Variants in RBFOX3 observed in about 807,000 individuals in gnomAD.
RBFOX3 encodes the protein RNA binding protein fox-1 homolog 3.
In RBFOX3, 17 loss-of-function variants were observed where a neutral mutation model predicts 48.7. The ratio of observed to expected loss-of-function variants is 0.35; its 90% CI spans 0.24 to 0.52. RBFOX3 has a LOEUF of 0.52. Ranked by LOEUF, RBFOX3 falls within the 20% of genes least tolerant of loss-of-function variation. The pLI is 0.94. For missense variants in RBFOX3, 382 were observed against 497.5 expected (o/e 0.77, Z 2.21); for synonymous variants, 212 against 209.5 (o/e 1.01, Z -0.10).
In RBFOX3 at chr17:79,205,297, G is replaced by A. The variant is rs922093365; in HGVS notation, c.-34+30469C>T. On this transcript the variant is annotated intron_variant, in intron 4 of 14. Transcript: ENST00000693108. The surrounding 1 kb of genome is among the most constrained non-coding windows in gnomAD (Gnocchi z 4.5). ...AACACCATCATTTCTGCCAGTTAGA[G>A]TGGGGGTCCACAGAAACCCAGGGAT... Among the ~76,000 whole-genome samples the A allele has an allele frequency of 1.3e-5, 2 of 152,146 alleles. No individual in the cohort carries two copies. The highest frequency in any genetic ancestry group is 1.9e-4 in the East Asian group (1 of 5,192).
At chr17:79,320,819 TGAGGTGCTGTTCTAGGTCTCA>T (rs983980589) in intron 2 of RBFOX3, among the ~76,000 whole-genome samples, 159 of 152,206 alleles carry the variant, frequency 1.0e-3, no homozygotes, top group African/African-American at 3.7e-3. Context: ...AAAACAACTT[TGAGGTGCTGTTCTAGGTCTCA>T]GAATCAGAGT....
At chr17:79,194,759 T>G (rs112574499) in intron 4 of RBFOX3, among the ~76,000 whole-genome samples, 1 of 11,268 alleles carries the variant, frequency 8.9e-5, no homozygotes, top group Non-Finnish European at 3.3e-4. Context: ...TGTGGGTGTG[T>G]GTGTGTGTGT....
chr17:79,277,739 G>A (rs1343008241), intron 3 of RBFOX3, among the ~76,000 whole-genome samples: 1 of 152,240 alleles, frequency 6.6e-6, no homozygotes, highest in East Asian at 1.9e-4. Context: ...TAGTGTGGGG[G>A]CTCATGGTGG....
chr17:79,295,687 C>T (rs1471982599), intron 3 of RBFOX3, among the ~76,000 whole-genome samples: 5 of 152,184 alleles, frequency 3.3e-5, no homozygotes, highest in Admixed American at 6.5e-5. Flanking sequence ...TGTCCTGCCC[C>T]ACCGTCAGCT....
chr17:79,657,892 C>T, the RBFOX3 span, among the ~76,000 whole-genome samples: 120 of 152,294 alleles, frequency 7.9e-4, no homozygotes, highest in Admixed American at 1.4e-3. Flanking sequence ...CAGAGTAACA[C>T]CAAGGAGAAG....
the RBFOX3 span, among the ~76,000 whole-genome samples, chr17:79,634,280 A>G: frequency 2.0e-5 from 3 of 152,320 alleles, no homozygotes; most frequent in South Asian, 6.2e-4. Context: ...CGCCAGAGCC[A>G]CTGGTGAGCA....
upstream of RBFOX3, among the ~76,000 whole-genome samples, chr17:79,611,076 C>A (rs1442582529): frequency 1.3e-5 from 2 of 149,602 alleles, no homozygotes; most frequent in South Asian, 2.1e-4. Flanking sequence ...CCCGCGCTCG[C>A]TCTTCCCTCG....
chr17:79,216,594 A>C (rs1393646596), intron 4 of RBFOX3, among the ~76,000 whole-genome samples: 1 of 152,146 alleles, frequency 6.6e-6, no homozygotes, highest in Non-Finnish European at 1.5e-5. Flanking sequence ...TCAGGCCCAG[A>C]GCACAGGCCC....
intron 1 of RBFOX3, among the ~76,000 whole-genome samples, chr17:79,577,272 CATTGGAGAA>C (rs1386363191): frequency 6.6e-6 from 1 of 152,174 alleles, no homozygotes; most frequent in African/African-American, 2.4e-5. Context: ...GTGAGTAAGA[CATTGGAGAA>C]CCTGGTGGGG....
intron 1 of RBFOX3, among the ~76,000 whole-genome samples, chr17:79,519,101 G>A (rs936579068): frequency 4.1e-4 from 63 of 152,346 alleles, no homozygotes; most frequent in South Asian, 2.5e-3. Flanking sequence ...CAGATGCTCC[G>A]GAGGTAAACC....
chr17:79,497,393 G>T (rs979405952), intron 1 of RBFOX3, among the ~76,000 whole-genome samples: 40 of 152,264 alleles, frequency 2.6e-4, no homozygotes, highest in Admixed American at 1.8e-3. Context: ...CCAATGGACC[G>T]CAGAGTCTTT....
chr17:79,518,526 C>G (rs2085581415), intron 1 of RBFOX3, among the ~76,000 whole-genome samples: 1 of 152,246 alleles, frequency 6.6e-6, no homozygotes, highest in Non-Finnish European at 1.5e-5. Flanking sequence ...GGCTCATACC[C>G]ACGTGGGGGA....
chr17:79,419,849 G>A (rs149005946), intron 2 of RBFOX3, among the ~76,000 whole-genome samples: 30 of 152,258 alleles, frequency 2.0e-4, no homozygotes, highest in East Asian at 5.8e-4. Context: ...AACAGGGGCC[G>A]GGCGCGGTGG....
At chr17:79,334,550 C>T (rs1484512445) in intron 2 of RBFOX3, among the ~76,000 whole-genome samples, 11 of 152,144 alleles carry the variant, frequency 7.2e-5, no homozygotes, top group Admixed American at 5.2e-4. Flanking sequence ...CTTCGGGGCC[C>T]CTAGGAAACC....
chr17:79,282,950 T>C (rs2070932156), intron 3 of RBFOX3, among the ~76,000 whole-genome samples: 1 of 152,318 alleles, frequency 6.6e-6, no homozygotes, highest in East Asian at 1.9e-4. Context: ...ACCCAGCCAG[T>C]GGTTCTCACT....
chr17:79,126,563 G>C (rs1168646661), intron 4 of RBFOX3, among the ~76,000 whole-genome samples: 2 of 152,130 alleles, frequency 1.3e-5, no homozygotes, highest in East Asian at 1.9e-4. Context: ...CCTGGAAGCA[G>C]GGGTGGTCCT....
At chr17:79,585,372 A>G (rs1599223331) in intron 1 of RBFOX3, among the ~76,000 whole-genome samples, 1 of 151,918 alleles carries the variant, frequency 6.6e-6, no homozygotes, top group Non-Finnish European at 1.5e-5. Context: ...CCTGGCCAAC[A>G]TGGTGAAACC....
chr17:79,279,935 G>A (rs147203324), intron 3 of RBFOX3, among the ~76,000 whole-genome samples: 9 of 152,186 alleles, frequency 5.9e-5, no homozygotes, highest in African/African-American at 1.4e-4. Flanking sequence ...AAGAGGCACC[G>A]CGTGTCTGTG....
At chr17:79,368,994 C>T (rs1345437842) in intron 2 of RBFOX3, among the ~76,000 whole-genome samples, 1 of 152,158 alleles carries the variant, frequency 6.6e-6, no homozygotes, top group Non-Finnish European at 1.5e-5. Flanking sequence ...GTCACTCGCT[C>T]ACCGCCGCCT....
Sources: gnomAD v4.1 joint callset for allele counts (sites outside exome capture counted in the v4.1 genomes callset) on GRCh38, gnomAD v4.1.1 for gene constraint, Gnocchi (gnomAD v3.1) non-coding constraint, MANE v1.5 for transcripts, NCBI Gene and HGNC (gene_info 2026-07-23, HGNC 2026-07-21) for gene names.